Variants in STAG1 observed in about 807,000 individuals in gnomAD.
STAG1 encodes STAG1 cohesin complex component, also known as cohesin subunit SA-1.
STAG1 carries 26 observed loss-of-function variants against 170.9 expected under a neutral mutation model. The observed-to-expected ratio is 0.15, with a 90% CI of 0.11 to 0.21. The LOEUF (loss-of-function observed/expected upper bound fraction) is 0.21, where lower values mean the gene tolerates loss of function less well. STAG1 is among the 10% of genes least tolerant of loss of function. The pLI is 1.00. For missense variants in STAG1, 964 were observed against 1,509.5 expected (o/e 0.64, Z 5.99); for synonymous variants, 514 against 497.7 (o/e 1.03, Z -0.44).
chr3:136,338,305 T>TTAA, intron 33 of STAG1, 28 bp from the exon 34 acceptor site: 1 of 1,534,608 alleles, frequency 6.5e-7, no homozygotes, highest in East Asian at 2.2e-5. Context: ...AACATAATTA[T>TTAA]TAATTTCATG....
chr3:136,734,108 C>CAAAA (rs11456348), intron 1 of STAG1, among the ~76,000 whole-genome samples: 3 of 101,772 alleles, frequency 2.9e-5, no homozygotes, highest in Non-Finnish European at 4.3e-5. Flanking sequence ...GACTCCATCT[C>CAAAA]AAAAAAAAAA....
chr3:136,430,827 A>ACACACAC (rs2088280224), intron 16 of STAG1, among the ~76,000 whole-genome samples: 2 of 128,198 alleles, frequency 1.6e-5, no homozygotes, highest in South Asian at 4.9e-4. Context: ...ACACACACAC[A>ACACACAC]CACACACACA....
chr3:136,707,211 C>T (rs1276693243), intron 1 of STAG1, among the ~76,000 whole-genome samples: 1 of 152,122 alleles, frequency 6.6e-6, no homozygotes, highest in African/African-American at 2.4e-5. Context: ...TAAACTGGAC[C>T]TTGTCAAACT....
intron 5 of STAG1, among the ~76,000 whole-genome samples, chr3:136,551,208 T>TGA (rs57609965): frequency 0.022 from 970 of 44,438 alleles, 12 homozygotes; most frequent in East Asian, 0.042. Flanking sequence ...TGAGAGAGAG[T>TGA]GAGAGAGAGA....
chr3:136,620,019 T>C (rs114432990), intron 3 of STAG1, among the ~76,000 whole-genome samples: 2,473 of 152,148 alleles, frequency 0.016, 72 homozygotes, highest in African/African-American at 0.057. Flanking sequence ...TAAGCCACAG[T>C]TGCGCCACTG....
At chr3:136,656,755 T>G (rs1419608397) in intron 1 of STAG1, among the ~76,000 whole-genome samples, 2 of 151,942 alleles carry the variant, frequency 1.3e-5, no homozygotes, top group Non-Finnish European at 2.9e-5. Flanking sequence ...TGCCATGAAC[T>G]GTGGTCAGGA....
At chr3:136,517,580 G>C (rs1462346593) in intron 7 of STAG1, among the ~76,000 whole-genome samples, 1 of 151,778 alleles carries the variant, frequency 6.6e-6, no homozygotes, top group South Asian at 2.1e-4. Flanking sequence ...TACCAAACAA[G>C]AAAGTGGTAA....
intron 5 of STAG1, among the ~76,000 whole-genome samples, chr3:136,551,468 T>G (rs1420534430): frequency 2.4e-5 from 3 of 125,142 alleles, no homozygotes; most frequent in Non-Finnish European, 4.9e-5. Flanking sequence ...GGGAGAGAGA[T>G]AGGGTTTCTC....
In STAG1 at chr3:136,396,520, C is replaced by CTTTTTTTT. The variant is rs146270857; in HGVS notation, c.2277+2221_2277+2228dup. On this transcript the variant is annotated intron_variant, in intron 22 of 33. Transcript: ENST00000383202. The stretch of plus-strand genomic sequence containing the variant: ...ACAGGCGTGAGCCACCGCGCCTGGC[C>CTTTTTTTT]TTTTTTTTTTTTTTTTTTTTTTTTT... 1.1e-3 allele frequency among the ~76,000 whole-genome samples: 46 copies of CTTTTTTTT among 43,656 alleles called. 9 individuals carry two copies. Among genetic ancestry groups the CTTTTTTTT allele is most frequent in the East Asian group, 6.2e-3 (7 of 1,136 alleles). The allele number at this position is 43,656 out of a possible 152,430, so 28.6% of individuals were successfully genotyped here.
chr3:136,472,497 G>A lies in STAG1; in HGVS notation c.1126-5C>T. The A allele has an allele frequency of 6.2e-7, 1 of 1,605,964 alleles. No homozygotes were observed. The highest frequency in any genetic ancestry group is 1.3e-5 in the African/African-American group (1 of 74,484). ...TGTCATTGATACAATGCGATCCTGA[G>A]AAAAAAAAGTTGTAAAACAAACCAA... is the stretch of plus-strand genomic sequence containing the variant. On this transcript the variant is annotated splice_polypyrimidine_tract_variant and splice_region_variant and intron_variant, in intron 11 of 33. Transcript: ENST00000383202.
At chr3:136,439,429 CACACACACACACAA>C (rs779238621) in intron 15 of STAG1, among the ~76,000 whole-genome samples, 445 of 143,408 alleles carry the variant, frequency 3.1e-3, no homozygotes, top group Non-Finnish European at 4.1e-3. Context: ...CACACACACA[CACACACACACACAA>C]ACACTGTAAG....
Position 136,395,039 on chromosome 3 carries a change from G to A in STAG1, c.2277+3710C>T, listed in dbSNP as rs141118095. ...AGGTGGGAGGATCACCTGAGCCCAG[G>A]AGGTTGAGGCCACAGTGAGCCGTGA... On this transcript the variant is annotated intron_variant, in intron 22 of 33. Coordinates refer to ENST00000383202, the MANE Select transcript of STAG1 (RefSeq NM_005862.3). Among the ~76,000 whole-genome samples, 896 of 152,108 alleles carry A rather than the reference G, an allele frequency of 5.9e-3. 11 individuals are homozygous for A. Among genetic ancestry groups the A allele is most frequent in the African/African-American group, 0.02 (850 of 41,486 alleles).
intron 29 of STAG1, 59 bp from the exon 30 acceptor site, chr3:136,344,065 T>C: frequency 7.4e-7 from 1 of 1,345,986 alleles, no homozygotes. Flanking sequence ...CTGGTAGCAG[T>C]CATAGCATAG....
chr3:136,711,416 C>A (rs1943377988), intron 1 of STAG1, among the ~76,000 whole-genome samples: 2 of 151,990 alleles, frequency 1.3e-5, no homozygotes, highest in Admixed American at 1.3e-4. Context: ...TAAAAATTAG[C>A]CAGGCATGGT....
intron 1 of STAG1, among the ~76,000 whole-genome samples, chr3:136,649,945 T>C (rs1373635848): frequency 2.0e-5 from 3 of 151,936 alleles, no homozygotes; most frequent in African/African-American, 7.3e-5. Flanking sequence ...TTCTTTGTAT[T>C]TTTAATAGAG....
At chr3:136,639,829 G>C (rs923533644) in intron 1 of STAG1, among the ~76,000 whole-genome samples, 1 of 152,104 alleles carries the variant, frequency 6.6e-6, no homozygotes, top group Non-Finnish European at 1.5e-5. Context: ...ATATGGTAAA[G>C]AAAGCATCAC....
chr3:136,742,231 T>C (rs1559984467), intron 1 of STAG1, among the ~76,000 whole-genome samples: 1 of 152,182 alleles, frequency 6.6e-6, no homozygotes, highest in Non-Finnish European at 1.5e-5. Flanking sequence ...AGTTACAGAA[T>C]ACTACACCCA....
intron 4 of STAG1, among the ~76,000 whole-genome samples, chr3:136,596,736 C>T (rs1001465651): frequency 6.6e-6 from 1 of 152,122 alleles, no homozygotes; most frequent in Non-Finnish European, 1.5e-5. Context: ...AAAATTTATT[C>T]GTACTGGTAC....
rs542438043 is a variant in STAG1 at position 136,416,785 on chromosome 3, T to C, written c.2196+1100A>G. ...TTGTAGGGACCAAGAAAATGACTAA[T>C]GTTAGGCAATTTAAATGAATTAATC... On this transcript the variant is annotated intron_variant, in intron 21 of 33. Coordinates refer to ENST00000383202, the MANE Select transcript of STAG1 (RefSeq NM_005862.3). Among the ~76,000 whole-genome samples the C allele has an allele frequency of 2.0e-5, 3 of 152,134 alleles. No individual in the cohort carries two copies. The South Asian group carries it at 6.2e-4, about 32-fold the overall frequency.
Sources: allele counts gnomAD v4.1 joint callset (sites outside exome capture counted in the v4.1 genomes callset), GRCh38; gene constraint gnomAD v4.1.1; transcripts MANE v1.5; gene names NCBI Gene and HGNC (gene_info 2026-07-23, HGNC 2026-07-21).